The following TMEM163 variants were observed in gnomAD, a reference collection of about 807,000 sequenced individuals.
The protein encoded by TMEM163 is transmembrane protein 163.
Under a neutral mutation model 29.3 loss-of-function variants are expected in TMEM163, and 17 were observed. That is an observed-to-expected ratio of 0.58 (90% confidence interval 0.40 to 0.87). The LOEUF (loss-of-function observed/expected upper bound fraction) is 0.87, where lower values mean the gene tolerates loss of function less well. Ranked by LOEUF, TMEM163 falls within the 40% of genes least tolerant of loss-of-function variation. TMEM163 has a pLI of 0.00. For missense variants in TMEM163, 303 were observed against 381.5 expected, an observed-to-expected ratio of 0.79 and a Z score of 1.71; for synonymous variants, 157 against 160.6, an observed-to-expected ratio of 0.98 and a Z score of 0.17.
At chr2:134,701,893 G>C (rs1684711689) in intron 2 of TMEM163, among the ~76,000 whole-genome samples, 1 of 141,924 alleles carries the variant, frequency 7.0e-6, no homozygotes, top group African/African-American at 2.7e-5. Flanking sequence ...ACTCCAGGCT[G>C]GGAGACAAGA....
intron 4 of TMEM163, among the ~76,000 whole-genome samples, chr2:134,509,214 C>T (rs1679892959): frequency 1.3e-5 from 2 of 152,190 alleles, no homozygotes; most frequent in Non-Finnish European, 2.9e-5. Flanking sequence ...AATGTGGTTA[C>T]TGCAACTGAA....
At chr2:134,490,496 A>G (rs1679405989) in intron 5 of TMEM163, among the ~76,000 whole-genome samples, 1 of 152,326 alleles carries the variant, frequency 6.6e-6, no homozygotes, top group African/African-American at 2.4e-5. Context: ...AGTTCTTTAG[A>G]GAAAAGATCC....
intron 5 of TMEM163, among the ~76,000 whole-genome samples, chr2:134,485,464 C>T (rs763685376): frequency 3.9e-5 from 6 of 152,154 alleles, no homozygotes; most frequent in Non-Finnish European, 7.4e-5. Flanking sequence ...TACAAGGAGT[C>T]GGCTTGTATG....
At chr2:134,624,796 C>G (rs558440521) in intron 2 of TMEM163, among the ~76,000 whole-genome samples, 1 of 151,976 alleles carries the variant, frequency 6.6e-6, no homozygotes, top group Non-Finnish European at 1.5e-5. Flanking sequence ...ATAATCCTAG[C>G]TACTCAGGAG....
At chr2:134,510,740 C>G (rs77460593) in intron 4 of TMEM163, among the ~76,000 whole-genome samples, 1 of 152,082 alleles carries the variant, frequency 6.6e-6, no homozygotes. Context: ...TGGGGCTTGC[C>G]AAGCTTAAGG....
chr2:134,575,301 T>C (rs887219885), intron 2 of TMEM163, among the ~76,000 whole-genome samples: 2 of 152,136 alleles, frequency 1.3e-5, no homozygotes, highest in Non-Finnish European at 2.9e-5. Context: ...AGCAAATCCA[T>C]CTGCCATCTG....
chr2:134,538,294 A>G (rs2106502145), intron 4 of TMEM163, among the ~76,000 whole-genome samples: 1 of 152,268 alleles, frequency 6.6e-6, no homozygotes, highest in African/African-American at 2.4e-5. Flanking sequence ...AATGCCACCT[A>G]TGAACCAGGC....
chr2:134,606,091 G>C (rs915120985), intron 2 of TMEM163, among the ~76,000 whole-genome samples: 2 of 152,046 alleles, frequency 1.3e-5, no homozygotes, highest in African/African-American at 4.8e-5. Context: ...GGTTAGTTTT[G>C]GTAAAAGTTA....
At chr2:134,521,903 A>C (rs911017415) in intron 4 of TMEM163, among the ~76,000 whole-genome samples, 1 of 152,194 alleles carries the variant, frequency 6.6e-6, no homozygotes. Flanking sequence ...GAGAAGACAG[A>C]TATTTAAGCA....
Position 134,483,414 on chromosome 2 carries a change from C to T in TMEM163, c.556-17189G>A, listed in dbSNP as rs574371725. On this transcript the variant is annotated intron_variant, in intron 5 of 7. Coordinates refer to ENST00000281924, the MANE Select transcript of TMEM163 (RefSeq NM_030923.5). ...ATGACAGAAGTAGGACCTCTGGTTG[C>T]CTGCTTTTGCTCCCTGCATTGGTAT... Among the ~76,000 whole-genome samples the T allele has an allele frequency of 2.6e-5, 4 of 152,250 alleles. No homozygotes were observed. The East Asian group carries it at 5.8e-4, about 22-fold the overall frequency.
Position 134,718,940 on chromosome 2 carries a change from C to CG in TMEM163, c.-6dup. The CG allele has an allele frequency of 9.6e-7, 1 of 1,042,808 alleles. No homozygotes were observed. 64.6% of individuals were successfully genotyped at this position (1,042,808 alleles called of 1,614,324 possible). Reference sequence around the variant, plus strand: ...GATGCCCGCGGCCGGCTCCATGGCGCGGGGCTGCGGATCCCGGCGGCGGCG... The same window carrying CG: ...GATGCCCGCGGCCGGCTCCATGGCGCGGGGGCTGCGGATCCCGGCGGCGGCG... On this transcript the variant is annotated 5_prime_UTR_variant, in exon 1 of 8. Transcript: ENST00000281924.
chr2:134,612,319 T>C (rs1398013507), intron 2 of TMEM163, among the ~76,000 whole-genome samples: 1 of 152,098 alleles, frequency 6.6e-6, no homozygotes, highest in African/African-American at 2.4e-5. Flanking sequence ...GCCTGTAAAC[T>C]TGAAGATTTA....
intron 2 of TMEM163, among the ~76,000 whole-genome samples, chr2:134,682,802 T>C (rs991571128): frequency 1.3e-5 from 2 of 152,172 alleles, no homozygotes; most frequent in African/African-American, 4.8e-5. Flanking sequence ...TTTATGTCCA[T>C]ACAAAAACCT....
intron 4 of TMEM163, among the ~76,000 whole-genome samples, chr2:134,539,937 G>A (rs903686753): frequency 2.6e-5 from 4 of 152,218 alleles, no homozygotes; most frequent in African/African-American, 9.6e-5. Context: ...CTGTCTTCCT[G>A]AAATCTCACC....
At chr2:134,596,244 A>C in intron 2 of TMEM163, among the ~76,000 whole-genome samples, 1 of 152,122 alleles carries the variant, frequency 6.6e-6, no homozygotes, top group African/African-American at 2.4e-5. Flanking sequence ...TTATGGTTTT[A>C]GGTCTAACAT....
At chr2:134,538,510 G>A (rs1022487131) in intron 4 of TMEM163, among the ~76,000 whole-genome samples, 5 of 152,290 alleles carry the variant, frequency 3.3e-5, no homozygotes, top group South Asian at 2.1e-4. Context: ...AGCACATGGA[G>A]GGACATAGCA....
At chr2:134,700,252 C>T (rs1430701568) in intron 2 of TMEM163, among the ~76,000 whole-genome samples, 1 of 152,198 alleles carries the variant, frequency 6.6e-6, no homozygotes, top group Non-Finnish European at 1.5e-5. Context: ...TGTACCCCAT[C>T]CCTCCCATCA....
At chr2:134,618,354 G>C (rs967716690) in intron 2 of TMEM163, among the ~76,000 whole-genome samples, 2 of 151,926 alleles carry the variant, frequency 1.3e-5, no homozygotes, top group African/African-American at 4.8e-5. Flanking sequence ...CAATACATAA[G>C]GAAGATATAA....
At chr2:134,605,287 C>T (rs572228429) in intron 2 of TMEM163, among the ~76,000 whole-genome samples, 8 of 152,092 alleles carry the variant, frequency 5.3e-5, no homozygotes, top group South Asian at 2.1e-4. Flanking sequence ...CTGTGGTATT[C>T]CATGTTACAA....
Sources: allele counts gnomAD v4.1 joint callset (sites outside exome capture counted in the v4.1 genomes callset), GRCh38; gene constraint gnomAD v4.1.1; transcripts MANE v1.5; gene names NCBI Gene and HGNC (gene_info 2026-07-23, HGNC 2026-07-21).